SLIT2: variants seen among roughly 807,000 people sequenced by gnomAD.
SLIT2 encodes slit guidance ligand 2.
A neutral mutation model predicts 185.7 loss-of-function variants in SLIT2; 41 were observed. The ratio of observed to expected loss-of-function variants is 0.22; its 90% CI spans 0.17 to 0.29. The LOEUF (loss-of-function observed/expected upper bound fraction) is 0.29, where lower values mean the gene tolerates loss of function less well. Ranked by LOEUF, SLIT2 falls within the 10% of genes least tolerant of loss-of-function variation. SLIT2 has a pLI of 1.00. For synonymous variants in SLIT2, 693 were observed against 680.2 expected (o/e 1.02, Z -0.29); for missense variants, 1,571 against 1,909.0 (o/e 0.82, Z 3.30).
chr4:20,371,515 G>A (rs1723571900), intron 4 of SLIT2, among the ~76,000 whole-genome samples: 1 of 152,056 alleles, frequency 6.6e-6, no homozygotes, highest in African/African-American at 2.4e-5. Flanking sequence ...GTGTCCTGGG[G>A]CCGCTCTGCT....
chr4:20,527,948 A>T (rs775816836), intron 15 of SLIT2, among the ~76,000 whole-genome samples: 1 of 148,908 alleles, frequency 6.7e-6, no homozygotes, highest in Non-Finnish European at 1.5e-5. Flanking sequence ...GGTCTTTGGC[A>T]CCTTTTTTTC....
chr4:20,604,134 C>T (rs1728611437), intron 33 of SLIT2, among the ~76,000 whole-genome samples: 1 of 152,204 alleles, frequency 6.6e-6, no homozygotes, highest in Admixed American at 6.5e-5. Context: ...TTCATGGATA[C>T]TCTTCCTGCT....
intron 33 of SLIT2, 111 bp from the exon 34 acceptor site, chr4:20,609,902 G>A: frequency 1.0e-6 from 1 of 998,026 alleles, no homozygotes; most frequent in Non-Finnish European, 1.4e-6. Context: ...CTTCATTAGT[G>A]TTAGATTGCC....
chr4:20,524,975 A>C (rs1332336181), intron 14 of SLIT2, among the ~76,000 whole-genome samples, 174 bp from the exon 15 acceptor site: 2 of 152,190 alleles, frequency 1.3e-5, no homozygotes, highest in East Asian at 3.9e-4. Flanking sequence ...ATTGTCCATA[A>C]TTATAGATGC....
chr4:20,258,099 A>C (rs538708629), intron 3 of SLIT2, among the ~76,000 whole-genome samples, 160 bp downstream of exon 3: 4 of 151,926 alleles, frequency 2.6e-5, no homozygotes, highest in Non-Finnish European at 5.9e-5. Context: ...TGACAAATAG[A>C]GTTCCTGAAT....
intron 4 of SLIT2, among the ~76,000 whole-genome samples, chr4:20,426,879 A>G (rs945372211): frequency 1.3e-5 from 2 of 152,178 alleles, no homozygotes; most frequent in Admixed American, 1.3e-4. Context: ...CAGAGAAATA[A>G]CAGTTACAGA....
intron 34 of SLIT2, among the ~76,000 whole-genome samples, chr4:20,613,627 G>C (rs1358261711): frequency 1.3e-5 from 2 of 152,080 alleles, no homozygotes; most frequent in Non-Finnish European, 2.9e-5. Flanking sequence ...TACCCGGTTT[G>C]TTATACGGTA....
intron 4 of SLIT2, among the ~76,000 whole-genome samples, chr4:20,431,712 C>T (rs2109502673): frequency 6.6e-6 from 1 of 152,316 alleles, no homozygotes; most frequent in Admixed American, 6.5e-5. Context: ...ACTGGAAGGG[C>T]TGGTCGAGGT....
intron 4 of SLIT2, among the ~76,000 whole-genome samples, chr4:20,294,272 C>T (rs916257443): frequency 5.7e-4 from 86 of 151,840 alleles, no homozygotes; most frequent in African/African-American, 2.0e-3. Context: ...TTGCTTGAAC[C>T]CAAGAGACAG....
chr4:20,490,942 G>A (rs1436798633), intron 8 of SLIT2: 3 of 694,040 alleles, frequency 4.3e-6, no homozygotes, highest in South Asian at 3.4e-5. Flanking sequence ...CCCTTTCCTG[G>A]CAGGTTGGAA....
At chr4:20,349,639 G>A (rs1317871283) in intron 4 of SLIT2, among the ~76,000 whole-genome samples, 1 of 152,122 alleles carries the variant, frequency 6.6e-6, no homozygotes, top group Non-Finnish European at 1.5e-5. Flanking sequence ...AAAGTATCAC[G>A]AAAGCCCCAT....
At chr4:20,283,291 A>G (rs960804748) in intron 4 of SLIT2, among the ~76,000 whole-genome samples, 1 of 152,226 alleles carries the variant, frequency 6.6e-6, no homozygotes, top group African/African-American at 2.4e-5. Context: ...TGAGGGGTGC[A>G]TCATCTAAGC....
intron 4 of SLIT2, among the ~76,000 whole-genome samples, chr4:20,280,488 T>C (rs1714643434): frequency 6.6e-6 from 1 of 152,118 alleles, no homozygotes; most frequent in African/African-American, 2.4e-5. Flanking sequence ...GAGTATGTAG[T>C]AAGTCAGATA....
intron 4 of SLIT2, among the ~76,000 whole-genome samples, chr4:20,323,742 C>T (rs1193625068): frequency 6.6e-6 from 1 of 152,082 alleles, no homozygotes; most frequent in African/African-American, 2.4e-5. Flanking sequence ...GATTGGCTGG[C>T]ATAGGAAAAA....
At chr4:20,527,708 C>G (rs944522515) in intron 15 of SLIT2, among the ~76,000 whole-genome samples, 2 of 152,146 alleles carry the variant, frequency 1.3e-5, no homozygotes, top group Non-Finnish European at 2.9e-5. Context: ...CAAAGCATGA[C>G]AATTCCCATC....
At chr4:20,270,029 T>C (rs549427617) in intron 4 of SLIT2, among the ~76,000 whole-genome samples, 1 of 152,118 alleles carries the variant, frequency 6.6e-6, no homozygotes, top group South Asian at 2.1e-4. Flanking sequence ...TTCTTTTTTG[T>C]GTTCCCTGCT....
Position 20,472,629 on chromosome 4 carries a change from TA to T in SLIT2, c.467+4807del, listed in dbSNP as rs1715661175. On this transcript the variant is annotated intron_variant, in intron 5 of 36. Transcript: ENST00000504154. ...ATATATCTATATATATCGATATATCTATATATATCGATATATATATTTAAAA... is the reference window on the plus strand; with the variant it reads ...ATATATCTATATATATCGATATATCTTATATATCGATATATATATTTAAAA... 1.3e-4 allele frequency among the ~76,000 whole-genome samples: 2 copies of T among 15,760 alleles called. 1 individual carries two copies. Among genetic ancestry groups the T allele is most frequent in the African/African-American group, 4.6e-4 (2 of 4,304 alleles). The allele number at this position is 15,760 out of a possible 152,430, so 10.3% of individuals were successfully genotyped here.
chr4:20,297,234 A>G (rs1716571240), intron 4 of SLIT2, among the ~76,000 whole-genome samples: 1 of 152,240 alleles, frequency 6.6e-6, no homozygotes, highest in African/African-American at 2.4e-5. Flanking sequence ...ATCAACTGTG[A>G]TTCTTTAAGA....
chr4:20,614,241 G>A (rs1449849213), intron 34 of SLIT2, among the ~76,000 whole-genome samples: 1 of 152,048 alleles, frequency 6.6e-6, no homozygotes, highest in Non-Finnish European at 1.5e-5. Context: ...ACCTAATGGG[G>A]AAGAAAATCA....
Sources: allele counts gnomAD v4.1 joint callset (sites outside exome capture counted in the v4.1 genomes callset), GRCh38; gene constraint gnomAD v4.1.1; transcripts MANE v1.5; gene names NCBI Gene and HGNC (gene_info 2026-07-23, HGNC 2026-07-21).